The following ZNF609 variants were observed in gnomAD, a reference collection of about 807,000 sequenced individuals.
ZNF609 encodes zinc finger protein 609.
In ZNF609, 11 loss-of-function variants were observed where a neutral mutation model predicts 109.5. The ratio of observed to expected loss-of-function variants is 0.10; its 90% CI spans 0.06 to 0.17. The LOEUF is 0.17. Among genes scored for constraint, ZNF609 ranks in the 10% least tolerant of loss-of-function variants. The pLI is 1.00. For missense variants in ZNF609, 1,559 were observed against 1,772.4 expected (o/e 0.88, Z 2.16); for synonymous variants, 646 against 662.0 (o/e 0.98, Z 0.37).
At chr15:64,574,171 ATTTTTTTTT>A (rs71133443) in intron 2 of ZNF609, among the ~76,000 whole-genome samples, 14 of 91,082 alleles carry the variant, frequency 1.5e-4, no homozygotes, top group Admixed American at 2.3e-4. Flanking sequence ...TTCATGCTGG[ATTTTTTTTT>A]TTTTTTTTTT....
intron 3 of ZNF609, among the ~76,000 whole-genome samples, chr15:64,633,917 C>A (rs1896127047): frequency 6.6e-6 from 1 of 151,830 alleles, no homozygotes; most frequent in African/African-American, 2.4e-5. Flanking sequence ...AAATGTTTAC[C>A]AATCTCATGC....
chr15:64,575,891 A>G (rs1349665523), intron 2 of ZNF609, among the ~76,000 whole-genome samples: 1 of 152,108 alleles, frequency 6.6e-6, no homozygotes, highest in African/African-American at 2.4e-5. Flanking sequence ...TCACGGGGTC[A>G]GGAAATCAAG....
intron 1 of ZNF609, among the ~76,000 whole-genome samples, chr15:64,491,433 C>G (rs1352546028): frequency 6.6e-6 from 1 of 152,134 alleles, no homozygotes; most frequent in Admixed American, 6.5e-5. Flanking sequence ...ATTGACAGTT[C>G]CCTGAGACAT....
chr15:64,513,193 A>G (rs1003395885), intron 2 of ZNF609, among the ~76,000 whole-genome samples: 2 of 152,066 alleles, frequency 1.3e-5, no homozygotes, highest in Admixed American at 6.6e-5. Flanking sequence ...GAGTAGGAGG[A>G]GAAAAAATTG....
intron 3 of ZNF609, among the ~76,000 whole-genome samples, chr15:64,649,258 A>G (rs1288822252): frequency 3.9e-5 from 6 of 152,172 alleles, no homozygotes; most frequent in Non-Finnish European, 1.5e-5. Flanking sequence ...TTGTATTTTA[A>G]TGCCATAAAC....
chr15:64,503,196 C>T (rs1893586786), intron 2 of ZNF609: 1 of 152,218 alleles, frequency 6.6e-6, no homozygotes, highest in Admixed American at 6.5e-5. Flanking sequence ...CACTTTTGCT[C>T]GACCATACCT....
intron 1 of ZNF609, among the ~76,000 whole-genome samples, chr15:64,492,105 TGG>T (rs1186021124): frequency 6.7e-6 from 1 of 150,310 alleles, no homozygotes; most frequent in African/African-American, 2.5e-5. Flanking sequence ...TAGCCAGGAG[TGG>T]TGGCACATGC....
At position 64,499,494 on chromosome 15, in the gene ZNF609, T is replaced by G. The variant is rs1247489276; in HGVS notation, c.75T>G (p.Asp25Glu). 1 of 1,613,972 alleles carries G rather than the reference T, an allele frequency of 6.2e-7. No individual in the cohort carries two copies. The highest frequency in any genetic ancestry group is 8.5e-7 in the Non-Finnish European group (1 of 1,180,022). Residue 25 changes from aspartate to glutamate, a missense_variant, in exon 2 of 10, where the codon GAT (aspartate) becomes GAG (glutamate). Physicochemically the swap from Asp to Glu is conservative, Grantham distance 45 (BLOSUM62 2). Transcript: ENST00000326648. ...CGGTTGAGACATACGACAGTGGGGA[T>G]GAATGGGACATTGGAGTAGGGAATC... ...ANPVETYDSG[D>E]EWDIGVGNLI...
chr15:64,473,191 C>CTTTTTTTTTTTTTTTTTTTTTTTT (rs951319279), intron 1 of ZNF609, among the ~76,000 whole-genome samples: 9 of 76,072 alleles, frequency 1.2e-4, no homozygotes, highest in African/African-American at 5.9e-4. Flanking sequence ...ATATTTGGTT[C>CTTTTTTTTTTTTTTTTTTTTTTTT]TTTTTTTTTT....
intron 1 of ZNF609, among the ~76,000 whole-genome samples, chr15:64,490,979 C>T (rs1227045363): frequency 1.3e-5 from 2 of 152,196 alleles, no homozygotes; most frequent in Non-Finnish European, 2.9e-5. Context: ...GCTCTCCTGT[C>T]CTTAGGTGAC....
At chr15:64,628,319 T>C (rs950978355) in intron 3 of ZNF609, among the ~76,000 whole-genome samples, 3 of 151,324 alleles carry the variant, frequency 2.0e-5, no homozygotes, top group Admixed American at 6.6e-5. Context: ...AAAAGAAACA[T>C]GTAATCAGCA....
At chr15:64,531,760 T>G (rs1413258391) in intron 2 of ZNF609, among the ~76,000 whole-genome samples, 2 of 152,108 alleles carry the variant, frequency 1.3e-5, no homozygotes, top group African/African-American at 4.8e-5. Flanking sequence ...TTTCCTCATC[T>G]CTAAAATGAA....
chr15:64,663,477 A>C (rs919823800), intron 3 of ZNF609, among the ~76,000 whole-genome samples: 4 of 152,162 alleles, frequency 2.6e-5, no homozygotes, highest in African/African-American at 9.7e-5. Context: ...GAACATATTA[A>C]GTTTGAGATC....
chr15:64,628,718 C>T (rs994457518), intron 3 of ZNF609, among the ~76,000 whole-genome samples: 4 of 151,982 alleles, frequency 2.6e-5, no homozygotes, highest in African/African-American at 9.7e-5. Context: ...CTCCACCTCC[C>T]GGGTTCAAGC....
At chr15:64,595,420 T>C (rs1275547243) in intron 2 of ZNF609, among the ~76,000 whole-genome samples, 2 of 151,150 alleles carry the variant, frequency 1.3e-5, no homozygotes, top group African/African-American at 2.4e-5. Flanking sequence ...GAGGAGATCC[T>C]GGCTGACAAT....
chr15:64,513,750 A>G lies in ZNF609; in HGVS notation c.747+13584A>G, dbSNP rs531390048. Among the ~76,000 whole-genome samples, 4 of 152,292 alleles carry G rather than the reference A, an allele frequency of 2.6e-5. No individual in the cohort carries two copies. The East Asian group carries it at 7.7e-4, about 29-fold the overall frequency. ...ATACTAGAATCACCCTAAGCCTAGTAAAATGCTTATATTATGAGAGGCACA... is the reference window on the plus strand; with the variant it reads ...ATACTAGAATCACCCTAAGCCTAGTGAAATGCTTATATTATGAGAGGCACA... On this transcript the variant is annotated intron_variant, in intron 2 of 9. Transcript: ENST00000326648.
chr15:64,646,652 A>G lies in ZNF609; in HGVS notation c.973+23600A>G, dbSNP rs911270431. Among the ~76,000 whole-genome samples, 22 of 146,880 alleles carry G rather than the reference A, an allele frequency of 1.5e-4. No homozygotes were observed. The East Asian group carries it at 4.4e-3, about 29-fold the overall frequency. On this transcript the variant is annotated intron_variant, in intron 3 of 9. Coordinates refer to ENST00000326648, the MANE Select transcript of ZNF609 (RefSeq NM_015042.2). Reference sequence around the variant, plus strand: ...TCCATCTCAAAAAAAAAAAAAAAAAAAAAAAACTGGGCACGGTGGCTCACG... The same window carrying G: ...TCCATCTCAAAAAAAAAAAAAAAAAGAAAAAACTGGGCACGGTGGCTCACG...
intron 2 of ZNF609, among the ~76,000 whole-genome samples, chr15:64,588,838 A>T (rs577941904): frequency 6.6e-6 from 1 of 151,958 alleles, no homozygotes; most frequent in Non-Finnish European, 1.5e-5. Context: ...GGGTTTCACC[A>T]TATTGGTCAG....
At chr15:64,494,539 TG>T (rs1893456707) in intron 1 of ZNF609, among the ~76,000 whole-genome samples, 1 of 152,098 alleles carries the variant, frequency 6.6e-6, no homozygotes, top group African/African-American at 2.4e-5. Context: ...TATATGTTTT[TG>T]TTTTTGTTTT....
Sources: gnomAD v4.1 joint callset for allele counts (sites outside exome capture counted in the v4.1 genomes callset) on GRCh38, gnomAD v4.1.1 for gene constraint, MANE v1.5 for transcripts, NCBI Gene and HGNC (gene_info 2026-07-23, HGNC 2026-07-21) for gene names.